ASIC1: variants seen among roughly 807,000 people sequenced by gnomAD.
The protein encoded by ASIC1 is acid-sensing ion channel 1.
A neutral mutation model predicts 63.4 loss-of-function variants in ASIC1; 21 were observed. That is an observed-to-expected ratio of 0.33 (90% CI 0.23 to 0.48). The LOEUF (loss-of-function observed/expected upper bound fraction) is 0.48. Ranked by LOEUF, ASIC1 falls within the 20% of genes least tolerant of loss-of-function variation. The pLI is 0.99. For missense variants in ASIC1, 478 were observed against 695.5 expected, an observed-to-expected ratio of 0.69 and a Z score of 3.52; for synonymous variants, 258 against 278.2, an observed-to-expected ratio of 0.93 and a Z score of 0.72.
At position 50,078,590 on chromosome 12, in the gene ASIC1, G is replaced by A. The variant is rs998462981; in HGVS notation, c.994+13G>A. On this transcript the variant is annotated intron_variant, in intron 6 of 11. Coordinates refer to ENST00000447966, the MANE Select transcript of ASIC1 (RefSeq NM_001095.4). This position sits in a 1 kb window ranked among gnomAD's most constrained non-coding sequence, Gnocchi z 6.0. ...GTGCACATGCCAGGTCAGGCCTGGG[G>A]CTCCGAGCATACTCCTGGGGTCCCT... 13 of 1,613,758 alleles carry A rather than the reference G, an allele frequency of 8.1e-6. No homozygotes were observed. Among genetic ancestry groups the A allele is most frequent in the Non-Finnish European group, 1.0e-5 (12 of 1,179,904 alleles).
chr12:50,079,295 T>TC (rs1335839545), intron 7 of ASIC1, among the ~76,000 whole-genome samples: 21 of 152,208 alleles, frequency 1.4e-4, no homozygotes, highest in Middle Eastern at 3.4e-3. Context: ...GTGCCTCTAG[T>TC]CCCAGCTACT....
intron 3 of ASIC1, among the ~76,000 whole-genome samples, chr12:50,067,352 A>G (rs1036586189): frequency 2.0e-5 from 3 of 150,538 alleles, no homozygotes; most frequent in African/African-American, 7.3e-5. Context: ...TATTTTTTTT[A>G]TTATTCTTGA....
At chr12:50,061,170 T>G (rs1286787184) in intron 3 of ASIC1, among the ~76,000 whole-genome samples, 3 of 152,342 alleles carry the variant, frequency 2.0e-5, no homozygotes, top group Non-Finnish European at 4.4e-5. Context: ...TCTTCCTTCT[T>G]CCTGCCTATT....
intron 3 of ASIC1, among the ~76,000 whole-genome samples, chr12:50,075,198 AGGGGCAGGGGGT>A (rs1303406915): frequency 6.6e-6 from 1 of 151,986 alleles, no homozygotes; most frequent in Non-Finnish European, 1.5e-5. Flanking sequence ...TCCCTAGCGT[AGGGGCAGGGGGT>A]GTCATCATAC....
rs375805670 is a variant in ASIC1, at chr12:50,059,733, G to A, written c.363-26G>A. On this transcript the variant is annotated intron_variant, in intron 2 of 11. Coordinates refer to ENST00000447966, the MANE Select transcript of ASIC1 (RefSeq NM_001095.4). The surrounding 1 kb of genome is among the most constrained non-coding windows in gnomAD (Gnocchi z 4.6). ...AGGACACTGATGACTGTACTGACCC[G>A]TGTGTCACTCACCCCCGGACCCCAG... is the stretch of plus-strand genomic sequence containing the variant. The A allele has an allele frequency of 9.5e-5, 152 of 1,605,542 alleles. No individual in the cohort carries two copies. The highest frequency in any genetic ancestry group is 4.0e-4 in the African/African-American group (30 of 74,774).
chr12:50,074,307 G>C lies in ASIC1; in HGVS notation c.559-2906G>C. The C allele has an allele frequency of 7.0e-7, 1 of 1,433,598 alleles. No individual in the cohort carries two copies. Among genetic ancestry groups the C allele is most frequent in the Non-Finnish European group, 9.1e-7 (1 of 1,096,900 alleles). The allele number at this position is 1,433,598 out of a possible 1,614,324, so 88.8% of individuals were successfully genotyped here. A position where few individuals can be genotyped will look rare whatever the true frequency, so the allele number is the denominator to read the frequency against. ...GTGTCTGCCATGGCTGTCCCTGACT[G>C]TCACCTCCTGGGGTTGGGGCTGGGG... is the stretch of plus-strand genomic sequence containing the variant. On this transcript the variant is annotated intron_variant, in intron 3 of 11. Coordinates refer to ENST00000447966, the MANE Select transcript of ASIC1 (RefSeq NM_001095.4). This position sits in a 1 kb window ranked among gnomAD's most constrained non-coding sequence, Gnocchi z 4.2.
intron 3 of ASIC1, among the ~76,000 whole-genome samples, chr12:50,068,121 CT>C: frequency 6.6e-6 from 1 of 152,172 alleles, no homozygotes; most frequent in South Asian, 2.1e-4. Flanking sequence ...AGTGTATACT[CT>C]TTTGTGTCTG....
intron 3 of ASIC1, 97 bp downstream of exon 3, chr12:50,060,051 G>A: frequency 1.4e-6 from 2 of 1,411,396 alleles, no homozygotes; most frequent in Non-Finnish European, 1.9e-6. Context: ...TTGCTACTCT[G>A]GGAGAGGAAG....
chr12:50,079,802 G>C, intron 7 of ASIC1, 100 bp from the exon 8 acceptor site: 1 of 1,382,370 alleles, frequency 7.2e-7, no homozygotes, highest in Non-Finnish European at 9.8e-7. Flanking sequence ...GAAAGAGAAA[G>C]GGGCCCAGAG....
chr12:50,077,268 C>G lies in ASIC1; in HGVS notation c.614C>G (p.Pro205Arg), dbSNP rs777917966. Residue 205 changes from proline (P) to arginine (R), a missense_variant, in exon 4 of 12, where the codon CCG (proline) becomes CGG (arginine). Pro to Arg is a moderately radical substitution (Grantham distance 103). Around this residue, in one of 3 missense-constraint regions of ASIC1, gnomAD observed 290 missense variants for 414.9 expected, o/e 0.70. Transcript: ENST00000447966. ...YTFNSGRDGR[P>R]RLKTMKGGTG... ...TTCAACTCGGGCCGAGATGGGCGGC[C>G]GCGGCTGAAGACCATGAAGGGTGGG... The G allele has an allele frequency of 6.2e-7, 1 of 1,613,996 alleles. No individual in the cohort carries two copies. Among genetic ancestry groups the G allele is most frequent in the Non-Finnish European group, 8.5e-7 (1 of 1,179,950 alleles).
chr12:50,064,738 G>T (rs550651962), intron 3 of ASIC1, among the ~76,000 whole-genome samples: 2 of 152,320 alleles, frequency 1.3e-5, no homozygotes, highest in East Asian at 3.9e-4. Flanking sequence ...GTGGATGGAG[G>T]TTGCTTCTGA....
intron 3 of ASIC1, among the ~76,000 whole-genome samples, chr12:50,067,956 A>C (rs1024251810): frequency 6.6e-6 from 1 of 152,172 alleles, no homozygotes; most frequent in African/African-American, 2.4e-5. Flanking sequence ...AGTATTTTGC[A>C]TATTGCATTG....
intron 3 of ASIC1, 137 bp from the exon 4 acceptor site, chr12:50,077,076 A>G (rs755933649): frequency 7.2e-7 from 1 of 1,386,912 alleles, no homozygotes; most frequent in Non-Finnish European, 1.0e-6. Flanking sequence ...AGAGGGGAGC[A>G]AATGGAGAAT....
At position 50,082,182 on chromosome 12, in the gene ASIC1, A is replaced by C; in HGVS notation, c.*533A>C. On this transcript the variant is annotated 3_prime_UTR_variant, in exon 12 of 12. Coordinates refer to ENST00000447966, the MANE Select transcript of ASIC1 (RefSeq NM_001095.4). The stretch of plus-strand genomic sequence containing the variant: ...CCCAAGTCTCCTGGCAGGAACTAAA[A>C]CCTCAGCCCCACTCTCTCACACCAT... 6.4e-6 allele frequency: 1 copy of C among 157,006 alleles called. No homozygotes were observed. The highest frequency in any genetic ancestry group is 1.9e-4 in the East Asian group (1 of 5,246). 9.7% of individuals were successfully genotyped at this position (157,006 alleles called of 1,614,324 possible).
At chr12:50,065,537 C>T (rs1043920888) in intron 3 of ASIC1, among the ~76,000 whole-genome samples, 1 of 152,200 alleles carries the variant, frequency 6.6e-6, no homozygotes, top group South Asian at 2.1e-4. Flanking sequence ...CGCCAACCTA[C>T]CTGGACACAG....
chr12:50,075,124 C>G (rs907736817), intron 3 of ASIC1, among the ~76,000 whole-genome samples: 3 of 152,062 alleles, frequency 2.0e-5, no homozygotes, highest in African/African-American at 7.2e-5. Flanking sequence ...CTCTCCTGCC[C>G]CACCAGCTCC....
chr12:50,067,260 C>G (rs1017396997), intron 3 of ASIC1, among the ~76,000 whole-genome samples: 2 of 152,174 alleles, frequency 1.3e-5, no homozygotes, highest in Non-Finnish European at 2.9e-5. Context: ...TCCAGGCTGC[C>G]TTCTTCCCCC....
rs184382452 is a variant in ASIC1 at position 50,083,074 on chromosome 12, A to C, written c.*1425A>C. ...GACAGAAGGGAGCTGGGGATTGGCG[A>C]CTCCTGAAGTTGGGGCAGTGGGATG... On this transcript the variant is annotated 3_prime_UTR_variant, in exon 12 of 12. Coordinates refer to ENST00000447966, the MANE Select transcript of ASIC1 (RefSeq NM_001095.4). The C allele has an allele frequency of 6.6e-6, 1 of 151,940 alleles. No homozygotes were observed. Among genetic ancestry groups the C allele is most frequent in the Non-Finnish European group, 1.5e-5 (1 of 67,924 alleles). The allele number at this position is 151,940 out of a possible 1,614,324, so 9.4% of individuals were successfully genotyped here.
At chr12:50,066,288 G>T (rs983123181) in intron 3 of ASIC1, among the ~76,000 whole-genome samples, 2 of 152,148 alleles carry the variant, frequency 1.3e-5, no homozygotes, top group African/African-American at 4.8e-5. Flanking sequence ...CTTGCCTGAG[G>T]TCACACAGCT....
Sources: allele counts gnomAD v4.1 joint callset (sites outside exome capture counted in the v4.1 genomes callset), GRCh38; gene constraint gnomAD v4.1.1; regional missense constraint gnomAD v4.1.1; non-coding constraint Gnocchi (gnomAD v3.1); transcripts MANE v1.5; gene names NCBI Gene and HGNC (gene_info 2026-07-23, HGNC 2026-07-21).